The following FHL3 variants were observed in gnomAD, a reference collection of about 807,000 sequenced individuals.
FHL3 encodes four and a half LIM domains protein 3.
FHL3 carries 21 observed loss-of-function variants against 34.3 expected under a neutral mutation model. The ratio of observed to expected loss-of-function variants is 0.61; its 90% CI spans 0.43 to 0.88. The LOEUF is 0.88. Ranked by LOEUF, FHL3 falls within the 40% of genes least tolerant of loss-of-function variation. The probability of loss-of-function intolerance (pLI) is 0.00; values close to 1 mark genes in which losing one functional copy is unlikely to be tolerated. For missense variants in FHL3, 333 were observed against 373.7 expected (o/e 0.89, Z 0.90); for synonymous variants, 137 against 144.6 (o/e 0.95, Z 0.38).
intron 1 of FHL3, among the ~76,000 whole-genome samples, chr1:38,004,571 C>T (rs1038724348): frequency 1.1e-4 from 17 of 152,158 alleles, no homozygotes; most frequent in African/African-American, 4.1e-4. Flanking sequence ...AGGTTTTGGA[C>T]GGCTCTGTAT....
intron 1 of FHL3, among the ~76,000 whole-genome samples, 194 bp downstream of exon 1, chr1:38,005,163 T>A (rs1302487221): frequency 6.6e-6 from 1 of 150,680 alleles, no homozygotes; most frequent in Non-Finnish European, 1.5e-5. Context: ...CCCCGCCCGA[T>A]AGCCCGGAGG....
In FHL3 at chr1:37,997,656, C is replaced by A; in HGVS notation, c.688+28G>T. 1.2e-6 allele frequency: 2 copies of A among 1,613,376 alleles called. No individual in the cohort carries two copies. Among genetic ancestry groups the A allele is most frequent in the East Asian group, 2.2e-5 (1 of 44,856 alleles). On this transcript the variant is annotated intron_variant, in intron 5 of 5. Coordinates refer to ENST00000373016, the MANE Select transcript of FHL3 (RefSeq NM_004468.5). The surrounding 1 kb of genome is among the most constrained non-coding windows in gnomAD (Gnocchi z 4.3). ...TCCCACTCCCTTGCCTGCACCCTAC[C>A]CACTCCGTTCTTTGACCCTTGTCCC...
chr1:38,002,223 C>T (rs1417018116), intron 1 of FHL3, among the ~76,000 whole-genome samples: 4 of 151,884 alleles, frequency 2.6e-5, no homozygotes, highest in Non-Finnish European at 4.4e-5. Flanking sequence ...CTCAGCCTCC[C>T]GAGTAGCTGG....
Position 37,997,423 on chromosome 1 carries a change from A to G in FHL3, c.825T>C (p.Cys275=), listed in dbSNP as rs774424440. The change falls in exon 6 of 6, where the codon TGT becomes TGC. Residue 275 remains cysteine (C), a synonymous_variant. Transcript: ENST00000373016. This position sits in a 1 kb window ranked among gnomAD's most constrained non-coding sequence, Gnocchi z 4.3. ...PDGDQVLCQG[C]SQAGP ...CCCTGGCTTAGGGCCCTGCCTGGCTACAGCCCTGGCAGAGCACTTGGTCTC... is the reference window on the plus strand; with the variant it reads ...CCCTGGCTTAGGGCCCTGCCTGGCTGCAGCCCTGGCAGAGCACTTGGTCTC... 1 of 1,613,878 alleles carries G rather than the reference A, an allele frequency of 6.2e-7. No individual in the cohort carries two copies. The highest frequency in any genetic ancestry group is 8.5e-7 in the Non-Finnish European group (1 of 1,179,884).
chr1:37,999,183 G>T (rs899999509), intron 2 of FHL3, 35 bp from the exon 3 acceptor site: 2 of 1,613,736 alleles, frequency 1.2e-6, no homozygotes, highest in Admixed American at 1.7e-5. Context: ...TGGCACCCAG[G>T]CCTCATGGAC....
At chr1:38,000,365 CT>C (rs2148730996) in intron 1 of FHL3, among the ~76,000 whole-genome samples, 1 of 152,290 alleles carries the variant, frequency 6.6e-6, no homozygotes, top group East Asian at 1.9e-4. Context: ...ACCCCAGGAT[CT>C]TTCCATCCCC....
chr1:37,997,781 C>T lies in FHL3; in HGVS notation c.591G>A (p.Gly197=). 2 of 1,614,180 alleles carry T rather than the reference C, an allele frequency of 1.2e-6. No homozygotes were observed. Among genetic ancestry groups the T allele is most frequent in the Non-Finnish European group, 1.7e-6 (2 of 1,180,010 alleles). Residue 197 remains glycine, a synonymous_variant, in exon 5 of 6, where the codon GGG becomes GGA. Coordinates refer to ENST00000373016, the MANE Select transcript of FHL3 (RefSeq NM_004468.5). The surrounding 1 kb of genome is among the most constrained non-coding windows in gnomAD (Gnocchi z 4.3). ...CTTCATCCCGGGAGGTGAACTGCTGCCCTGCCAGGGGCGTCTGGCATCCGG... is the reference window on the plus strand; with the variant it reads ...CTTCATCCCGGGAGGTGAACTGCTGTCCTGCCAGGGGCGTCTGGCATCCGG... The part of the protein sequence containing the change: ...VCTGCQTPLA[G]QQFTSRDEDP...
chr1:37,997,370 G>A lies in FHL3; in HGVS notation c.*35C>T, dbSNP rs750003466. ...GAAAAGGAGCCACAGTCCTGGGCCC[G>A]TGGTATGGGAAAGCCTGGGTCCAGG... is the stretch of plus-strand genomic sequence containing the variant. On this transcript the variant is annotated 3_prime_UTR_variant, in exon 6 of 6. Transcript: ENST00000373016. This position sits in a 1 kb window ranked among gnomAD's most constrained non-coding sequence, Gnocchi z 4.3. 17 of 1,602,302 alleles carry A rather than the reference G, an allele frequency of 1.1e-5. No individual in the cohort carries two copies. The highest frequency in any genetic ancestry group is 5.3e-5 in the Admixed American group (3 of 56,954).
intron 3 of FHL3, chr1:37,998,664 T>C (rs1425729910): frequency 2.6e-6 from 1 of 377,774 alleles, no homozygotes; most frequent in African/African-American, 2.0e-5. Context: ...GTTTATCTGC[T>C]TCTGCATACA....
Position 37,999,036 on chromosome 1 carries a change from T to C in FHL3, c.269A>G (p.Asn90Ser). The change falls in exon 3 of 6, where the codon AAT (asparagine) becomes AGT (serine). Residue 90 changes from asparagine to serine, a missense_variant. Physicochemically the swap from Asn to Ser is conservative, Grantham distance 46. Transcript: ENST00000373016. ...GGAAAACGCACTGCAGTAGCAGTCA[T>C]TGCAGAGCAGCTCACTGTCCTGGCA... ...FTCQDSELLCNDCYCSAFSSQ... is the reference protein window; with the variant it reads ...FTCQDSELLCSDCYCSAFSSQ... The C allele has an allele frequency of 6.2e-7, 1 of 1,614,240 alleles. No individual in the cohort carries two copies. Among genetic ancestry groups the C allele is most frequent in the Non-Finnish European group, 8.5e-7 (1 of 1,180,042 alleles).
Position 37,997,587 on chromosome 1 carries a change from C to T in FHL3, c.689-28G>A, listed in dbSNP as rs200944160. ...GGAGGGAGGCTGGAAGTTAGCTATG[C>T]AGATGTGGGGATGGTCCGGCCCTCA... On this transcript the variant is annotated intron_variant, in intron 5 of 5. Coordinates refer to ENST00000373016, the MANE Select transcript of FHL3 (RefSeq NM_004468.5). The surrounding 1 kb of genome is among the most constrained non-coding windows in gnomAD (Gnocchi z 4.3). 9.4e-5 allele frequency: 152 copies of T among 1,613,360 alleles called. No homozygotes were observed. In the East Asian group the frequency reaches 3.1e-3, roughly 33 times the overall value.
chr1:37,998,848 A>G, intron 3 of FHL3, 126 bp downstream of exon 3: 1 of 989,506 alleles, frequency 1.0e-6, no homozygotes. Context: ...GTATATACTA[A>G]ATTTCCAGAA....
chr1:38,001,811 T>C (rs911158574), intron 1 of FHL3, among the ~76,000 whole-genome samples: 2 of 152,182 alleles, frequency 1.3e-5, no homozygotes, highest in Non-Finnish European at 2.9e-5. Context: ...CTATGGTGTA[T>C]GGAGCAGCTC....
At chr1:38,001,792 C>T (rs1646598235) in intron 1 of FHL3, among the ~76,000 whole-genome samples, 2 of 152,170 alleles carry the variant, frequency 1.3e-5, no homozygotes, top group Non-Finnish European at 2.9e-5. Context: ...AGAATGACTG[C>T]GTAACTGGCT....
At position 37,999,297 on chromosome 1, in the gene FHL3, G is replaced by A. The variant is rs1479221011; in HGVS notation, c.116C>T (p.Thr39Ile). The A allele has an allele frequency of 3.7e-6, 6 of 1,614,224 alleles. No individual in the cohort carries two copies. The highest frequency in any genetic ancestry group is 5.1e-6 in the Non-Finnish European group (6 of 1,180,046). The change falls in exon 2 of 6, where the codon ACC (threonine) becomes ATC (isoleucine). Residue 39 changes from threonine (T) to isoleucine (I), a missense_variant. Coordinates refer to ENST00000373016, the MANE Select transcript of FHL3 (RefSeq NM_004468.5). ...GATAAGCTGCTGGCACTCAGCACAG[G>A]TGTTGGCAAAGGTATTGTCATAGCA... ...VPCYDNTFANTCAECQQLIGH... is the reference protein window; with the variant it reads ...VPCYDNTFANICAECQQLIGH...
rs780237956 is a variant in FHL3 at position 37,997,652 on chromosome 1, C to G, written c.688+32G>C. 6.2e-7 allele frequency: 1 copy of G among 1,613,150 alleles called. No homozygotes were observed. Among genetic ancestry groups the G allele is most frequent in the African/African-American group, 1.3e-5 (1 of 75,016 alleles). ...CACATCCCACTCCCTTGCCTGCACC[C>G]TACCCACTCCGTTCTTTGACCCTTG... On this transcript the variant is annotated intron_variant, in intron 5 of 5. Transcript: ENST00000373016. This position sits in a 1 kb window ranked among gnomAD's most constrained non-coding sequence, Gnocchi z 4.3.
At position 37,997,294 on chromosome 1, in the gene FHL3, A is replaced by G. The variant is rs1460518413; in HGVS notation, c.*111T>C. ...GTGGGGAGACAATCCTGGAGCCCAG[A>G]AGGAGACCCATTTTTTTTGGCGGGG... On this transcript the variant is annotated 3_prime_UTR_variant, in exon 6 of 6. Transcript: ENST00000373016. The surrounding 1 kb of genome is among the most constrained non-coding windows in gnomAD (Gnocchi z 4.3). The G allele has an allele frequency of 1.3e-5, 15 of 1,185,992 alleles. No individual in the cohort carries two copies. Among genetic ancestry groups the G allele is most frequent in the Non-Finnish European group, 1.8e-5 (15 of 840,370 alleles). 73.5% of individuals were successfully genotyped at this position (1,185,992 alleles called of 1,614,324 possible).
In FHL3 at chr1:38,004,148, A is replaced by T. The variant is rs552013296; in HGVS notation, c.-21+1209T>A. ...CTCTGCTCTCCCCCATGTGGCCTGG[A>T]AGTCAGAGAAGTTTAGGGAAGGGGG... On this transcript the variant is annotated intron_variant, in intron 1 of 5. Transcript: ENST00000373016. 5.3e-4 allele frequency among the ~76,000 whole-genome samples: 81 copies of T among 152,212 alleles called. 1 individual carries two copies. The South Asian group carries it at 0.017, about 32-fold the overall frequency.
At chr1:37,998,259 A>G in intron 3 of FHL3, 127 bp from the exon 4 acceptor site, 1 of 766,100 alleles carries the variant, frequency 1.3e-6, no homozygotes, top group East Asian at 2.6e-5. Flanking sequence ...CACATGCAGC[A>G]AGAACCCCCC....
Sources: allele counts gnomAD v4.1 joint callset (sites outside exome capture counted in the v4.1 genomes callset), GRCh38; gene constraint gnomAD v4.1.1; non-coding constraint Gnocchi (gnomAD v3.1); transcripts MANE v1.5; gene names NCBI Gene and HGNC (gene_info 2026-07-23, HGNC 2026-07-21).